PALLD: variants seen among roughly 807,000 people sequenced by gnomAD.
PALLD encodes palladin, cytoskeletal associated protein, also known as palladin.
PALLD carries 61 observed loss-of-function variants against 123.5 expected under a neutral mutation model. The ratio of observed to expected loss-of-function variants is 0.49; its 90% CI spans 0.40 to 0.61. The LOEUF (loss-of-function observed/expected upper bound fraction) is 0.61, where lower values mean the gene tolerates loss of function less well. PALLD is among the 20% of genes least tolerant of loss of function. PALLD has a pLI of 0.00. For missense variants in PALLD, 1,273 were observed against 1,377.0 expected, an observed-to-expected ratio of 0.92 and a Z score of 1.20; for synonymous variants, 465 against 496.4, an observed-to-expected ratio of 0.94 and a Z score of 0.84.
intron 15 of PALLD, among the ~76,000 whole-genome samples, chr4:168,913,111 T>C (rs759600184): frequency 3.2e-4 from 48 of 150,824 alleles, no homozygotes; most frequent in Non-Finnish European, 6.2e-4. Flanking sequence ...TTTTAATGTA[T>C]GGTTTGGGGA....
At chr4:168,770,743 TAACAC>T (rs879515765) in intron 10 of PALLD, among the ~76,000 whole-genome samples, 49,716 of 151,910 alleles carry the variant, frequency 0.33, 9,007 homozygotes, top group Non-Finnish European at 0.42. Context: ...ACAAGCCAAT[TAACAC>T]ATTCCTAAGA....
rs115192353 is a variant in PALLD at position 168,668,667 on chromosome 4, A to G, written c.1087+299A>G. On this transcript the variant is annotated intron_variant, in intron 3 of 21. Coordinates refer to ENST00000505667, the MANE Select transcript of PALLD (RefSeq NM_001166108.2). ...TGTCTTTCTCTAGTAAATGAAGCATAGAAACACAATTGAAATACCATATCA... is the reference window on the plus strand; with the variant it reads ...TGTCTTTCTCTAGTAAATGAAGCATGGAAACACAATTGAAATACCATATCA... Among the ~76,000 whole-genome samples, 1,092 of 152,364 alleles carry G rather than the reference A, an allele frequency of 7.2e-3. 9 individuals are homozygous for G. Among genetic ancestry groups the G allele is most frequent in the African/African-American group, 0.025 (1,030 of 41,576 alleles).
rs187110992 is a variant in PALLD at position 168,904,668 on chromosome 4, C to T, written c.2622+762C>T. On this transcript the variant is annotated intron_variant, in intron 15 of 21. Transcript: ENST00000505667. ...CTGCAAAAGTAGTATAAATAACACA[C>T]TTTTAAAAAGAAAAAAAAAGGCATG... Among the ~76,000 whole-genome samples the T allele has an allele frequency of 4.8e-3, 732 of 151,728 alleles. 8 individuals carry two copies. Among genetic ancestry groups the T allele is most frequent in the Admixed American group, 5.5e-3 (84 of 15,246 alleles).
intron 2 of PALLD, among the ~76,000 whole-genome samples, chr4:168,614,789 G>C (rs1257922040): frequency 6.6e-6 from 1 of 152,122 alleles, no homozygotes; most frequent in African/African-American, 2.4e-5. Context: ...TAATAACAAA[G>C]ACTTCTCTTC....
intron 2 of PALLD, among the ~76,000 whole-genome samples, chr4:168,518,714 C>G (rs1763246276): frequency 6.6e-6 from 1 of 152,230 alleles, no homozygotes; most frequent in Non-Finnish European, 1.5e-5. Flanking sequence ...CTATTCCACT[C>G]TCTTGCTTTT....
At chr4:168,580,394 T>C (rs1009700415) in intron 2 of PALLD, among the ~76,000 whole-genome samples, 3 of 151,864 alleles carry the variant, frequency 2.0e-5, no homozygotes, top group African/African-American at 7.3e-5. Context: ...TCACTAACCA[T>C]TAGAGTAATG....
At chr4:168,780,983 C>T (rs762095244) in intron 10 of PALLD, among the ~76,000 whole-genome samples, 2 of 152,140 alleles carry the variant, frequency 1.3e-5, no homozygotes, top group African/African-American at 4.8e-5. Context: ...CCACTGCACC[C>T]GGCCATGTGT....
At position 168,712,336 on chromosome 4, in the gene PALLD, A is replaced by G. The variant is rs1784910912; in HGVS notation, c.1964+413A>G. 18 of 262,154 alleles carry G rather than the reference A, an allele frequency of 6.9e-5. No individual in the cohort carries two copies. In the South Asian group the frequency reaches 1.1e-3, roughly 16 times the overall value. 16.2% of individuals were successfully genotyped at this position (262,154 alleles called of 1,614,324 possible). On this transcript the variant is annotated intron_variant, in intron 10 of 21. Transcript: ENST00000505667. Reference sequence around the variant, plus strand: ...TTAAGTATCAGTAAGAAGATCTGATATAGACAAGCGGGGAAAGACTAAAAA... The same window carrying G: ...TTAAGTATCAGTAAGAAGATCTGATGTAGACAAGCGGGGAAAGACTAAAAA...
intron 10 of PALLD, among the ~76,000 whole-genome samples, chr4:168,885,767 C>T (rs1176116617): frequency 6.6e-6 from 1 of 152,170 alleles, no homozygotes; most frequent in African/African-American, 2.4e-5. Context: ...ATTTTCATAG[C>T]CTTCAAGGAT....
intron 1 of PALLD, chr4:168,505,987 T>C (rs1322234946): frequency 6.6e-6 from 1 of 152,174 alleles, no homozygotes. Context: ...TTCAAACTCC[T>C]ACCCATGAAT....
intron 10 of PALLD, among the ~76,000 whole-genome samples, chr4:168,744,990 C>G (rs1243846139): frequency 6.6e-6 from 1 of 152,202 alleles, no homozygotes; most frequent in Non-Finnish European, 1.5e-5. Flanking sequence ...TAACCCCACT[C>G]TAAGTCAAGG....
At chr4:168,805,050 C>T (rs1281929102) in intron 10 of PALLD, among the ~76,000 whole-genome samples, 1 of 151,790 alleles carries the variant, frequency 6.6e-6, no homozygotes, top group Non-Finnish European at 1.5e-5. Context: ...TCCAGCTACT[C>T]AGGAGGCCGA....
At chr4:168,713,942 GTTTTTTTTTTTT>G (rs34942776) in intron 10 of PALLD, among the ~76,000 whole-genome samples, 1 of 54,700 alleles carries the variant, frequency 1.8e-5, no homozygotes, top group Admixed American at 2.4e-4. Flanking sequence ...TTTTCCCATT[GTTTTTTTTTTTT>G]TTTTTTTTTT....
chr4:168,654,081 A>G (rs1778325832), intron 2 of PALLD, among the ~76,000 whole-genome samples: 1 of 152,078 alleles, frequency 6.6e-6, no homozygotes, highest in South Asian at 2.1e-4. Context: ...TCAGCCTTCT[A>G]AGTAGCTGGG....
intron 10 of PALLD, among the ~76,000 whole-genome samples, chr4:168,835,469 A>G (rs549815887): frequency 6.6e-6 from 1 of 152,298 alleles, no homozygotes; most frequent in South Asian, 2.1e-4. Context: ...GATTTGAGAA[A>G]AAGCTGCAGA....
At chr4:168,642,169 A>G (rs1187145982) in intron 2 of PALLD, among the ~76,000 whole-genome samples, 1 of 152,176 alleles carries the variant, frequency 6.6e-6, no homozygotes, top group African/African-American at 2.4e-5. Flanking sequence ...TCAGGATCAC[A>G]AAATGTGCAA....
chr4:168,499,379 C>T (rs1292559231), intron 1 of PALLD, among the ~76,000 whole-genome samples: 5 of 142,206 alleles, frequency 3.5e-5, no homozygotes, highest in Non-Finnish European at 7.6e-5. Flanking sequence ...AAGGGAGGGA[C>T]TTTATTGATT....
At chr4:168,912,326 C>T (rs745874036) in intron 15 of PALLD, among the ~76,000 whole-genome samples, 5 of 152,222 alleles carry the variant, frequency 3.3e-5, no homozygotes, top group Non-Finnish European at 5.9e-5. Flanking sequence ...ATTGATGGTA[C>T]ATCTGCTTCT....
At chr4:168,746,029 G>A (rs954517252) in intron 10 of PALLD, among the ~76,000 whole-genome samples, 4 of 152,090 alleles carry the variant, frequency 2.6e-5, no homozygotes, top group Non-Finnish European at 4.4e-5. Context: ...GAAATCATGT[G>A]TCCAAAATAA....
Sources: allele counts gnomAD v4.1 joint callset (sites outside exome capture counted in the v4.1 genomes callset), GRCh38; gene constraint gnomAD v4.1.1; transcripts MANE v1.5; gene names NCBI Gene and HGNC (gene_info 2026-07-23, HGNC 2026-07-21).